The following BCL7B variants were observed in gnomAD, a reference collection of about 807,000 sequenced individuals.
BCL7B encodes the protein BAF chromatin remodeling complex subunit BCL7B, also known as B-cell CLL/lymphoma 7 protein family member B.
In BCL7B, 11 loss-of-function variants were observed where a neutral mutation model predicts 26.5. The ratio of observed to expected loss-of-function variants is 0.42; its 90% confidence interval spans 0.26 to 0.69. BCL7B has a LOEUF of 0.69. Among genes scored for constraint, BCL7B ranks in the 30% least tolerant of loss-of-function variants. The pLI is 0.28. For missense variants in BCL7B, 215 were observed against 264.4 expected, an observed-to-expected ratio of 0.81 and a Z score of 1.30; for synonymous variants, 111 against 107.9, an observed-to-expected ratio of 1.03 and a Z score of -0.18.
At chr7:73,553,522 A>C (rs1792253768) in intron 1 of BCL7B, 1 of 152,020 alleles carries the variant, frequency 6.6e-6, no homozygotes, top group African/African-American at 2.4e-5. Flanking sequence ...AAATACAAAA[A>C]ATTAGCTGGG....
At chr7:73,540,347 T>C (rs372985540) in intron 3 of BCL7B, 59 of 323,130 alleles carry the variant, frequency 1.8e-4, no homozygotes, top group African/African-American at 1.2e-3. Flanking sequence ...CTCTGGTCAG[T>C]ACTTCTCAAT....
intron 2 of BCL7B, among the ~76,000 whole-genome samples, chr7:73,545,569 G>A (rs1791923861): frequency 6.6e-6 from 1 of 152,110 alleles, no homozygotes; most frequent in Non-Finnish European, 1.5e-5. Flanking sequence ...TATACACAAT[G>A]CCCAAGAGAT....
At chr7:73,549,677 A>T (rs1328648107) in intron 2 of BCL7B, among the ~76,000 whole-genome samples, 4 of 152,206 alleles carry the variant, frequency 2.6e-5, no homozygotes, top group African/African-American at 9.6e-5. Context: ...AGAAAGAAAA[A>T]AAATTAGCTG....
In BCL7B at chr7:73,538,029, G is replaced by T. The variant is rs372746902; in HGVS notation, c.437-16C>A. On this transcript the variant is annotated splice_polypyrimidine_tract_variant and intron_variant, in intron 4 of 5. Transcript: ENST00000223368. The stretch of plus-strand genomic sequence containing the variant: ...AGGGAGGGCTCTGAAAAGGCAGTAG[G>T]GTCGGCCTGAGGGCAGGGCTCCCCT... 1.3e-6 allele frequency: 2 copies of T among 1,576,834 alleles called. No homozygotes were observed. Among genetic ancestry groups the T allele is most frequent in the African/African-American group, 2.7e-5 (2 of 73,048 alleles).
At position 73,557,481 on chromosome 7, in the gene BCL7B, C is replaced by A; in HGVS notation, c.92+6G>T. ...CCCGCCAGCCCCCTAAGCTCCGGCC[C>A]CTCACCATTTCCGCACTTTCTCGAT... On this transcript the variant is annotated splice_donor_region_variant and intron_variant, in intron 1 of 5. Transcript: ENST00000223368. The A allele has an allele frequency of 7.0e-7, 1 of 1,419,792 alleles. No homozygotes were observed. The highest frequency in any genetic ancestry group is 2.9e-5 in the East Asian group (1 of 34,362). 87.9% of individuals were successfully genotyped at this position (1,419,792 alleles called of 1,614,324 possible). A position where few individuals can be genotyped will look rare whatever the true frequency, so the allele number is the denominator to read the frequency against.
chr7:73,538,087 T>G (rs1791611475), intron 4 of BCL7B, 74 bp from the exon 5 acceptor site: 3 of 907,602 alleles, frequency 3.3e-6, no homozygotes, highest in Non-Finnish European at 5.0e-6. Context: ...TCCTTAGAGC[T>G]GTGTGGAGGT....
intron 1 of BCL7B, 89 bp from the exon 2 acceptor site, chr7:73,552,331 T>C (rs1293183900): frequency 2.8e-6 from 3 of 1,052,720 alleles, no homozygotes; most frequent in Non-Finnish European, 4.4e-6. Context: ...CAGCAGATCA[T>C]TCCTTCAATC....
chr7:73,557,445 G>T (rs782663366), intron 1 of BCL7B, 42 bp downstream of exon 1: 1 of 1,297,914 alleles, frequency 7.7e-7, no homozygotes, highest in South Asian at 2.2e-5. Flanking sequence ...TCAGGGCCTG[G>T]ATCCGCGACC....
intron 1 of BCL7B, among the ~76,000 whole-genome samples, chr7:73,554,754 C>T (rs1212503244): frequency 1.3e-5 from 2 of 149,370 alleles, no homozygotes; most frequent in African/African-American, 2.5e-5. Context: ...GCCAAGACCA[C>T]GCCACTGCAC....
At chr7:73,551,704 A>G (rs1359676124) in intron 2 of BCL7B, among the ~76,000 whole-genome samples, 1 of 152,232 alleles carries the variant, frequency 6.6e-6, no homozygotes, top group Non-Finnish European at 1.5e-5. Flanking sequence ...GGAAAGGAAT[A>G]AAGTAGGAAA....
Position 73,543,648 on chromosome 7 carries a change from G to T in BCL7B, c.169-4C>A. On this transcript the variant is annotated splice_polypyrimidine_tract_variant and splice_region_variant and intron_variant, in intron 2 of 5. Transcript: ENST00000223368. ...TGTTCGATTTTGACTTTTCTTTCTA[G>T]AAAAGGAAAAAAAGAGGAATATGAC... The T allele has an allele frequency of 6.2e-7, 1 of 1,608,182 alleles. No homozygotes were observed. The highest frequency in any genetic ancestry group is 1.1e-5 in the South Asian group (1 of 90,864).
In BCL7B at chr7:73,537,998, G is replaced by A. The variant is rs782759485; in HGVS notation, c.452C>T (p.Ser151Phe). The change falls in exon 5 of 6, where the codon TCC (serine) becomes TTC (phenylalanine). Residue 151 changes from serine (S) to phenylalanine (F), a missense_variant. Coordinates refer to ENST00000223368, the MANE Select transcript of BCL7B (RefSeq NM_001707.4). ...QEILEEPSLP[S>F]SEVADEPPTL... Reference sequence around the variant, plus strand: ...AGGAGGTTCATCAGCAACTTCCGAGGAGGGCAGGGAGGGCTCTGAAAAGGC... The same window carrying A: ...AGGAGGTTCATCAGCAACTTCCGAGAAGGGCAGGGAGGGCTCTGAAAAGGC... 6.2e-7 allele frequency: 1 copy of A among 1,601,682 alleles called. No homozygotes were observed. The highest frequency in any genetic ancestry group is 8.5e-7 in the Non-Finnish European group (1 of 1,174,034).
intron 3 of BCL7B, among the ~76,000 whole-genome samples, chr7:73,541,166 T>TA (rs1195923691): frequency 1.1e-4 from 16 of 150,730 alleles, no homozygotes; most frequent in Admixed American, 6.0e-4. Context: ...AAATTAAAAT[T>TA]AAAAAAAAAG....
rs999495186 is a variant in BCL7B at position 73,542,593 on chromosome 7, C to T, written c.265+955G>A. Among the ~76,000 whole-genome samples, 4 of 152,142 alleles carry T rather than the reference C, an allele frequency of 2.6e-5. No homozygotes were observed. In the East Asian group the frequency reaches 7.7e-4, roughly 29 times the overall value. ...GATAATAACTGCCTGGTTTATATCA[C>T]AGGCTGATACATGGGTAAAAATGAG... On this transcript the variant is annotated intron_variant, in intron 3 of 5. Transcript: ENST00000223368.
At chr7:73,556,829 G>C (rs1426684263) in intron 1 of BCL7B, among the ~76,000 whole-genome samples, 2 of 152,218 alleles carry the variant, frequency 1.3e-5, no homozygotes, top group African/African-American at 2.4e-5. Flanking sequence ...ATGATGAACG[G>C]ACTGGGGAAT....
chr7:73,557,187 G>C, intron 1 of BCL7B: 1 of 1,031,778 alleles, frequency 9.7e-7, no homozygotes, highest in Non-Finnish European at 1.2e-6. Context: ...GGCTGGGCCG[G>C]GCGCGGGCAC....
At chr7:73,554,094 A>G (rs1404362496) in intron 1 of BCL7B, among the ~76,000 whole-genome samples, 2 of 151,658 alleles carry the variant, frequency 1.3e-5, no homozygotes, top group Non-Finnish European at 2.9e-5. Context: ...CAGCCTCCCA[A>G]GTAGCTGGGA....
At chr7:73,556,216 C>G (rs1792355806) in intron 1 of BCL7B, among the ~76,000 whole-genome samples, 1 of 152,212 alleles carries the variant, frequency 6.6e-6, no homozygotes, top group Admixed American at 6.5e-5. Flanking sequence ...AGAGAAGGAA[C>G]TTCCCTCTTG....
chr7:73,536,967 G>C lies in BCL7B; in HGVS notation c.*331C>G. The stretch of plus-strand genomic sequence containing the variant: ...GTGCCTTCCACATCTCTCTCTTCTC[G>C]CAGAAGCTGCCAGCAGCTCCGTCCA... On this transcript the variant is annotated 3_prime_UTR_variant, in exon 6 of 6. Transcript: ENST00000223368. 1 of 246,646 alleles carries C rather than the reference G, an allele frequency of 4.1e-6. No homozygotes were observed. Among genetic ancestry groups the C allele is most frequent in the South Asian group, 7.8e-5 (1 of 12,750 alleles). The allele number at this position is 246,646 out of a possible 1,614,324, so 15.3% of individuals were successfully genotyped here.
Sources: gnomAD v4.1 joint callset for allele counts (sites outside exome capture counted in the v4.1 genomes callset) on GRCh38, gnomAD v4.1.1 for gene constraint, MANE v1.5 for transcripts, NCBI Gene and HGNC (gene_info 2026-07-23, HGNC 2026-07-21) for gene names.